The following MBNL2 variants were observed in gnomAD, a reference collection of about 807,000 sequenced individuals.
The protein encoded by MBNL2 is muscleblind-like protein 2.
Under a neutral mutation model 41.9 loss-of-function variants are expected in MBNL2, and 17 were observed. The ratio of observed to expected loss-of-function variants is 0.41; its 90% CI spans 0.28 to 0.61. MBNL2 has a LOEUF of 0.61. Ranked by LOEUF, MBNL2 falls within the 20% of genes least tolerant of loss-of-function variation. The pLI, the probability that MBNL2 is intolerant of heterozygous loss-of-function variation, is 0.35. For missense variants in MBNL2, 336 were observed against 505.6 expected, an observed-to-expected ratio of 0.66 and a Z score of 3.22; for synonymous variants, 195 against 182.9, an observed-to-expected ratio of 1.07 and a Z score of -0.53.
chr13:97,288,232 G>A (rs2055067907), intron 2 of MBNL2, among the ~76,000 whole-genome samples: 1 of 151,912 alleles, frequency 6.6e-6, no homozygotes, highest in South Asian at 2.1e-4. Context: ...TCAAAGGCAG[G>A]GATCTATCTG....
Position 97,222,656 on chromosome 13 carries a change from G to A in MBNL2, c.-605+125G>A, listed in dbSNP as rs890491440. 5 of 393,032 alleles carry A rather than the reference G, an allele frequency of 1.3e-5. No homozygotes were observed. The South Asian group carries it at 5.7e-4, about 45-fold the overall frequency. 24.3% of individuals were successfully genotyped at this position (393,032 alleles called of 1,614,324 possible). A position where few individuals can be genotyped will look rare whatever the true frequency, so the allele number is the denominator to read the frequency against. ...ACTAATTCAATTGTAATACTTGCGG[G>A]GGACCCTGGAGTTTTACGTAACATT... On this transcript the variant is annotated intron_variant, in intron 1 of 8. Transcript: ENST00000679496.
At chr13:97,331,232 G>A (rs1412453055) in intron 2 of MBNL2, among the ~76,000 whole-genome samples, 1 of 152,170 alleles carries the variant, frequency 6.6e-6, no homozygotes, top group Non-Finnish European at 1.5e-5. Flanking sequence ...TTATGCATGT[G>A]TTAACTCATT....
the MBNL2 span, among the ~76,000 whole-genome samples, chr13:97,159,949 G>T: frequency 2.6e-5 from 4 of 152,046 alleles, no homozygotes; most frequent in East Asian, 1.9e-4. Context: ...GGCCTGCCTT[G>T]CTAGATTGGG....
rs2061598825 is a variant in MBNL2, at chr13:97,343,637, G to T, written c.540+421G>T. Among the ~76,000 whole-genome samples, 3 of 152,152 alleles carry T rather than the reference G, an allele frequency of 2.0e-5. No individual in the cohort carries two copies. In the South Asian group the frequency reaches 6.2e-4, roughly 32 times the overall value. On this transcript the variant is annotated intron_variant, in intron 4 of 8. Coordinates refer to ENST00000679496, the MANE Select transcript of MBNL2 (RefSeq NM_001382683.1). ...CAACCAGGGCAGCCGAGGACACTCA[G>T]GGACACTGGTGGGAGTAAGTGGGAC...
chr13:97,322,303 C>CTT (rs1566415955), intron 2 of MBNL2, among the ~76,000 whole-genome samples: 1 of 152,158 alleles, frequency 6.6e-6, no homozygotes, highest in Non-Finnish European at 1.5e-5. Context: ...AAAAGTGCAG[C>CTT]TTCCCCCTGC....
intron 2 of MBNL2, among the ~76,000 whole-genome samples, chr13:97,291,174 C>T (rs2055873439): frequency 6.6e-6 from 1 of 152,000 alleles, no homozygotes; most frequent in Non-Finnish European, 1.5e-5. Context: ...CAATGCCACC[C>T]GGCTGGGGTG....
At chr13:97,247,419 A>T (rs2045681636) in intron 1 of MBNL2, among the ~76,000 whole-genome samples, 1 of 152,204 alleles carries the variant, frequency 6.6e-6, no homozygotes, top group African/African-American at 2.4e-5. Context: ...ATTCCCCTTA[A>T]AAGTGAGATA....
At chr13:97,257,705 G>A (rs1280765244) in intron 1 of MBNL2, among the ~76,000 whole-genome samples, 1 of 152,178 alleles carries the variant, frequency 6.6e-6, no homozygotes, top group East Asian at 1.9e-4. Context: ...ATGGCCCAGG[G>A]AGCTCCATGT....
chr13:97,309,737 AAG>A (rs1459886252), intron 2 of MBNL2, among the ~76,000 whole-genome samples: 1 of 152,222 alleles, frequency 6.6e-6, no homozygotes, highest in Non-Finnish European at 1.5e-5. Flanking sequence ...TCAGGGAAGA[AAG>A]AGAGATGAAA....
In MBNL2 at chr13:97,393,554, C is replaced by T. The variant is rs2066442511; in HGVS notation, c.*2105C>T. Reference sequence around the variant, plus strand: ...TATCCATTTTCCAGAATTGTGATTACAATATGCAAAGAGTCATAAATATGC... The same window carrying T: ...TATCCATTTTCCAGAATTGTGATTATAATATGCAAAGAGTCATAAATATGC... On this transcript the variant is annotated 3_prime_UTR_variant, in exon 9 of 9. Coordinates refer to ENST00000679496, the MANE Select transcript of MBNL2 (RefSeq NM_001382683.1). 6.6e-6 allele frequency: 1 copy of T among 152,274 alleles called. No individual in the cohort carries two copies. Among genetic ancestry groups the T allele is most frequent in the Non-Finnish European group, 1.5e-5 (1 of 67,904 alleles). The allele number at this position is 152,274 out of a possible 1,614,324, so 9.4% of individuals were successfully genotyped here.
chr13:97,191,276 C>A, the MBNL2 span, among the ~76,000 whole-genome samples: 3 of 151,220 alleles, frequency 2.0e-5, no homozygotes, highest in Non-Finnish European at 4.4e-5. Context: ...GAAGTGCGAA[C>A]CCTTTGCAGT....
At chr13:97,305,811 A>AT (rs1270501951) in intron 2 of MBNL2, among the ~76,000 whole-genome samples, 2 of 152,098 alleles carry the variant, frequency 1.3e-5, no homozygotes, top group Non-Finnish European at 2.9e-5. Flanking sequence ...GGATTTTTAT[A>AT]TTTTTTGTCA....
rs1405568759 is a variant in MBNL2, at chr13:97,237,533, A to G, written c.-605+15002A>G. On this transcript the variant is annotated intron_variant, in intron 1 of 8. Transcript: ENST00000679496. ...GAAGGTATTATGCCACAAGGGAGGT[A>G]TAAGATGCCTGTGAGATTAGTGCCA... 3.3e-5 allele frequency among the ~76,000 whole-genome samples: 5 copies of G among 152,232 alleles called. No homozygotes were observed. In the East Asian group the frequency reaches 9.6e-4, roughly 29 times the overall value.
chr13:97,161,403 A>T, the MBNL2 span, among the ~76,000 whole-genome samples: 1 of 152,174 alleles, frequency 6.6e-6, no homozygotes, highest in East Asian at 1.9e-4. Flanking sequence ...AGTAGTTTCC[A>T]TGCCAGGGTT....
rs201527907 is a variant in MBNL2, at chr13:97,280,661, C to T, written c.174+4252C>T. On this transcript the variant is annotated intron_variant, in intron 2 of 8. Coordinates refer to ENST00000679496, the MANE Select transcript of MBNL2 (RefSeq NM_001382683.1). ...CCCTGTGAGATCTGCTTCCCCCTCC[C>T]GCCACCTGACTTCATTTCTATCGCC... 3.9e-5 allele frequency among the ~76,000 whole-genome samples: 6 copies of T among 152,182 alleles called. No homozygotes were observed. In the East Asian group the frequency reaches 5.8e-4, roughly 15 times the overall value.
chr13:97,189,900 G>C, the MBNL2 span, among the ~76,000 whole-genome samples: 2 of 152,340 alleles, frequency 1.3e-5, no homozygotes, highest in African/African-American at 2.4e-5. Context: ...GTGACTCTGC[G>C]TGGGCCACCT....
At chr13:97,205,388 T>TA in the MBNL2 span, among the ~76,000 whole-genome samples, 6 of 150,408 alleles carry the variant, frequency 4.0e-5, no homozygotes, top group South Asian at 2.1e-4. Flanking sequence ...AGACTCTGTC[T>TA]AAAAAAAATA....
At chr13:97,280,175 G>T (rs1323574400) in intron 2 of MBNL2, among the ~76,000 whole-genome samples, 1 of 152,164 alleles carries the variant, frequency 6.6e-6, no homozygotes, top group Non-Finnish European at 1.5e-5. Flanking sequence ...TACGATCCAT[G>T]AAACGCTTTC....
chr13:97,367,619 T>C (rs2063963548), intron 8 of MBNL2, among the ~76,000 whole-genome samples: 1 of 152,010 alleles, frequency 6.6e-6, no homozygotes, highest in Non-Finnish European at 1.5e-5. Context: ...GCAGATTTCA[T>C]CCCTACAAAG....
Sources: gnomAD v4.1 joint callset for allele counts (sites outside exome capture counted in the v4.1 genomes callset) on GRCh38, gnomAD v4.1.1 for gene constraint, MANE v1.5 for transcripts, NCBI Gene and HGNC (gene_info 2026-07-23, HGNC 2026-07-21) for gene names.